The following IQCM variants were observed in gnomAD, a reference collection of about 807,000 sequenced individuals.
The protein encoded by IQCM is IQ motif containing M.
A neutral mutation model predicts 57.6 loss-of-function variants in IQCM; 45 were observed. That is an observed-to-expected ratio of 0.78 (90% CI 0.62 to 1.00). The LOEUF is 1.00. IQCM is among the 50% of genes least tolerant of loss of function. IQCM has a pLI of 0.00. For synonymous variants in IQCM, 148 were observed against 158.9 expected (o/e 0.93, Z 0.51); for missense variants, 468 against 511.6 (o/e 0.91, Z 0.82).
At chr4:149,402,470 A>G (rs1388503563) in intron 13 of IQCM, among the ~76,000 whole-genome samples, 3 of 151,812 alleles carry the variant, frequency 2.0e-5, no homozygotes, top group South Asian at 2.1e-4. Context: ...TTTCAAACAT[A>G]TATCTAATAC....
chr4:149,405,359 A>T (rs180693266), intron 13 of IQCM, among the ~76,000 whole-genome samples: 33 of 151,388 alleles, frequency 2.2e-4, no homozygotes, highest in African/African-American at 7.3e-4. Context: ...GACATTAGAG[A>T]TGGAGATAAG....
chr4:149,385,677 C>T (rs1731376242), intron 13 of IQCM, among the ~76,000 whole-genome samples: 1 of 152,036 alleles, frequency 6.6e-6, no homozygotes, highest in African/African-American at 2.4e-5. Context: ...ATATTCCATC[C>T]TATGTCTCAA....
intron 5 of IQCM, among the ~76,000 whole-genome samples, chr4:149,728,446 C>G (rs1766157746): frequency 6.6e-6 from 1 of 152,180 alleles, no homozygotes; most frequent in Non-Finnish European, 1.5e-5. Flanking sequence ...CCTTTGTATT[C>G]TCTGCACTGA....
intron 12 of IQCM, among the ~76,000 whole-genome samples, chr4:149,525,118 A>C (rs1746030701): frequency 6.6e-6 from 1 of 151,862 alleles, no homozygotes; most frequent in East Asian, 1.9e-4. Flanking sequence ...AACTTTCCTC[A>C]ACCCTAGGAG....
At chr4:149,779,702 T>C (rs1000174782) in intron 2 of IQCM, among the ~76,000 whole-genome samples, 2 of 152,150 alleles carry the variant, frequency 1.3e-5, no homozygotes, top group Admixed American at 6.5e-5. Context: ...ATTCATTCCC[T>C]AAGAGAAGGC....
rs530328431 is a variant in IQCM at position 149,779,083 on chromosome 4, A to G, written c.-49+36228T>C. Among the ~76,000 whole-genome samples, 47 of 152,316 alleles carry G rather than the reference A, an allele frequency of 3.1e-4. 1 individual carries two copies. The highest frequency in any genetic ancestry group is 1.9e-3 in the South Asian group (9 of 4,834). On this transcript the variant is annotated intron_variant, in intron 2 of 13. Coordinates refer to ENST00000636793, the MANE Select transcript of IQCM (RefSeq NM_001363507.2). ...AATATACACAAAAATTCTTAACAAA[A>G]TAGAAGGAAATAAAATTCAGCAAAT...
chr4:149,609,582 C>T (rs971268620), intron 8 of IQCM, among the ~76,000 whole-genome samples: 2 of 151,672 alleles, frequency 1.3e-5, no homozygotes, highest in African/African-American at 4.8e-5. Flanking sequence ...GATGGCAAAA[C>T]ACACAGATTA....
chr4:149,792,128 G>T (rs775926304), intron 2 of IQCM, among the ~76,000 whole-genome samples: 11 of 152,028 alleles, frequency 7.2e-5, no homozygotes, highest in Non-Finnish European at 1.3e-4. Flanking sequence ...AATACTCTTT[G>T]CCACTTTTTA....
intron 12 of IQCM, among the ~76,000 whole-genome samples, chr4:149,525,762 TAGAAA>T (rs1402149214): frequency 6.6e-6 from 1 of 151,834 alleles, no homozygotes; most frequent in African/African-American, 2.4e-5. Flanking sequence ...ACTAACTACA[TAGAAA>T]TTTAAAGATT....
intron 5 of IQCM, among the ~76,000 whole-genome samples, chr4:149,732,288 C>T (rs964782294): frequency 6.6e-6 from 1 of 152,156 alleles, no homozygotes; most frequent in Non-Finnish European, 1.5e-5. Context: ...TTACATCCTT[C>T]AGAGCTTTAA....
chr4:149,563,920 A>C, intron 9 of IQCM, 30 bp from the exon 10 acceptor site: 1 of 1,086,072 alleles, frequency 9.2e-7, no homozygotes, highest in Non-Finnish European at 1.2e-6. Context: ...CTTATTATAC[A>C]TAATATGAAA....
intron 8 of IQCM, among the ~76,000 whole-genome samples, chr4:149,590,995 ACACATTCTAAAC>A (rs1267631815): frequency 6.6e-6 from 1 of 152,064 alleles, no homozygotes; most frequent in Non-Finnish European, 1.5e-5. Context: ...ATTTGGAGTG[ACACATTCTAAAC>A]ACTTGGCTGA....
intron 7 of IQCM, among the ~76,000 whole-genome samples, chr4:149,661,235 T>G (rs1225246885): frequency 6.6e-6 from 1 of 152,176 alleles, no homozygotes; most frequent in Non-Finnish European, 1.5e-5. Context: ...TTGTTTTCCT[T>G]TCTGTTAATG....
At chr4:149,794,572 T>C (rs1352516488) in intron 2 of IQCM, among the ~76,000 whole-genome samples, 2 of 152,262 alleles carry the variant, frequency 1.3e-5, no homozygotes, top group African/African-American at 2.4e-5. Context: ...TAGACAACCA[T>C]GAATCACCAG....
Position 149,776,851 on chromosome 4 carries a change from AAAT to A in IQCM, c.-48-34115_-48-34113del, listed in dbSNP as rs1375309399. On this transcript the variant is annotated intron_variant, in intron 2 of 13. Coordinates refer to ENST00000636793, the MANE Select transcript of IQCM (RefSeq NM_001363507.2). ...ATAGAACATTCAAGAGTCTATAATA[AAAT>A]AATAATAAAAAATCACTAAAAATTT... is the stretch of plus-strand genomic sequence containing the variant. 1.3e-4 allele frequency among the ~76,000 whole-genome samples: 19 copies of A among 151,852 alleles called. 1 individual carries two copies. Among genetic ancestry groups the A allele is most frequent in the Middle Eastern group, 6.8e-3 (2 of 292 alleles).
At chr4:149,468,435 T>C (rs1579160487) in intron 12 of IQCM, among the ~76,000 whole-genome samples, 1 of 152,124 alleles carries the variant, frequency 6.6e-6, no homozygotes, top group East Asian at 1.9e-4. Flanking sequence ...GGGAGGGGCG[T>C]CCGCCATTGC....
chr4:149,474,679 T>C (rs1739987122), intron 12 of IQCM, among the ~76,000 whole-genome samples: 1 of 151,940 alleles, frequency 6.6e-6, no homozygotes, highest in South Asian at 2.1e-4. Context: ...ATCGTGTCCT[T>C]GTACTCCAGC....
intron 5 of IQCM, 39 bp downstream of exon 5, chr4:149,733,205 G>C (rs773556553): frequency 8.1e-7 from 1 of 1,227,902 alleles, no homozygotes; most frequent in Non-Finnish European, 1.0e-6. Context: ...AGTTTTGTCC[G>C]TGAGTTTGCT....
At chr4:149,776,888 G>T (rs1285583278) in intron 2 of IQCM, among the ~76,000 whole-genome samples, 1 of 152,002 alleles carries the variant, frequency 6.6e-6, no homozygotes, top group Non-Finnish European at 1.5e-5. Flanking sequence ...TTTTAAAATT[G>T]ATAAGATGCT....
Sources: allele counts gnomAD v4.1 joint callset (sites outside exome capture counted in the v4.1 genomes callset), GRCh38; gene constraint gnomAD v4.1.1; transcripts MANE v1.5; gene names NCBI Gene and HGNC (gene_info 2026-07-23, HGNC 2026-07-21).